The following WDR33 variants were observed in gnomAD, a reference collection of about 807,000 sequenced individuals.
WDR33 encodes WD repeat domain 33.
In WDR33, 47 loss-of-function variants were observed where a neutral mutation model predicts 164.9. The ratio of observed to expected loss-of-function variants is 0.29; its 90% CI spans 0.23 to 0.36. The LOEUF (loss-of-function observed/expected upper bound fraction) is 0.36, where lower values mean the gene tolerates loss of function less well. Among genes scored for constraint, WDR33 ranks in the 10% least tolerant of loss-of-function variants. The pLI is 1.00. For missense variants in WDR33, 1,137 were observed against 1,754.1 expected, an observed-to-expected ratio of 0.65 and a Z score of 6.28; for synonymous variants, 505 against 589.0, an observed-to-expected ratio of 0.86 and a Z score of 2.06.
At chr2:127,757,768 G>T (rs1366529320) in intron 7 of WDR33, among the ~76,000 whole-genome samples, 1 of 152,058 alleles carries the variant, frequency 6.6e-6, no homozygotes, top group African/African-American at 2.4e-5. Context: ...TAATAATAAA[G>T]TTATTTCCAA....
Position 127,719,737 on chromosome 2 carries a change from C to A in WDR33, c.2288G>T (p.Gly763Val), listed in dbSNP as rs200149540. ...PHPHGIQGGP[G>V]SQGIQGPVSQ... ...CACAGGACCTTGGATCCCTTGAGACCCTGGTCCGCCTTGGATCCCATGAGG... is the reference window on the plus strand; with the variant it reads ...CACAGGACCTTGGATCCCTTGAGACACTGGTCCGCCTTGGATCCCATGAGG... The change falls in exon 16 of 22, where the codon GGG (glycine) becomes GTG (valine). Residue 763 changes from glycine to valine, a missense_variant. Gly to Val is a moderately radical substitution (Grantham distance 109). Transcript: ENST00000322313. The surrounding 1 kb of genome is among the most constrained non-coding windows in gnomAD (Gnocchi z 6.5). 7.4e-6 allele frequency: 12 copies of A among 1,613,694 alleles called. No individual in the cohort carries two copies. The highest frequency in any genetic ancestry group is 3.3e-4 in the Middle Eastern group (2 of 6,074).
chr2:127,775,569 G>A (rs946872339), intron 1 of WDR33, among the ~76,000 whole-genome samples: 1 of 152,148 alleles, frequency 6.6e-6, no homozygotes, highest in South Asian at 2.1e-4. Flanking sequence ...AGAGTACCTG[G>A]ATACAAAGCA....
chr2:127,732,278 TTACTC>T (rs1686730770), intron 7 of WDR33, among the ~76,000 whole-genome samples: 2 of 151,972 alleles, frequency 1.3e-5, no homozygotes, highest in African/African-American at 4.8e-5. Context: ...AGAGTGGCAT[TTACTC>T]TTCTATACTC....
intron 7 of WDR33, among the ~76,000 whole-genome samples, chr2:127,753,560 T>A (rs1017192398): frequency 6.6e-6 from 1 of 152,214 alleles, no homozygotes; most frequent in Non-Finnish European, 1.5e-5. Flanking sequence ...CAGTGTCACA[T>A]GGCTGCTAAG....
chr2:127,755,511 A>T (rs533653424), intron 7 of WDR33, among the ~76,000 whole-genome samples: 195 of 152,306 alleles, frequency 1.3e-3, no homozygotes, highest in African/African-American at 3.5e-3. Flanking sequence ...CAATCCTATT[A>T]AAAAAATAGG....
rs998623546 is a variant in WDR33 at position 127,770,179 on chromosome 2, C to G, written c.204+599G>C. On this transcript the variant is annotated intron_variant, in intron 2 of 21. Coordinates refer to ENST00000322313, the MANE Select transcript of WDR33 (RefSeq NM_018383.5). This position sits in a 1 kb window ranked among gnomAD's most constrained non-coding sequence, Gnocchi z 4.9. Reference sequence around the variant, plus strand: ...AGACTGGCCTAGCGATTAAAGTACTCCCTTCTAATTTGTGAACTTTTAGAG... The same window carrying G: ...AGACTGGCCTAGCGATTAAAGTACTGCCTTCTAATTTGTGAACTTTTAGAG... Among the ~76,000 whole-genome samples, 2 of 152,156 alleles carry G rather than the reference C, an allele frequency of 1.3e-5. No homozygotes were observed. Among genetic ancestry groups the G allele is most frequent in the African/African-American group, 4.8e-5 (2 of 41,424 alleles).
At chr2:127,779,996 C>T (rs1293941553) in intron 1 of WDR33, among the ~76,000 whole-genome samples, 10 of 134,054 alleles carry the variant, frequency 7.5e-5, no homozygotes, top group African/African-American at 2.4e-4. Flanking sequence ...TTTTTTGAGA[C>T]GGAGTCTCGC....
chr2:127,748,022 A>T (rs964743531), intron 7 of WDR33, among the ~76,000 whole-genome samples: 1 of 152,156 alleles, frequency 6.6e-6, no homozygotes, highest in Non-Finnish European at 1.5e-5. Flanking sequence ...CAACCCACAA[A>T]ATACAAAATT....
chr2:127,764,445 A>G lies in WDR33; in HGVS notation c.626+383T>C, dbSNP rs1268507449. On this transcript the variant is annotated intron_variant, in intron 6 of 21. Coordinates refer to ENST00000322313, the MANE Select transcript of WDR33 (RefSeq NM_018383.5). The surrounding 1 kb of genome is among the most constrained non-coding windows in gnomAD (Gnocchi z 6.2). ...TGTGAATTCTGAAGTTGTTTTCTGT[A>G]GGCTTTAGATTTTATTCAGTTGCAT... The G allele has an allele frequency of 6.9e-7, 1 of 1,450,940 alleles. No individual in the cohort carries two copies. The highest frequency in any genetic ancestry group is 2.5e-5 in the East Asian group (1 of 39,840). 89.9% of individuals were successfully genotyped at this position (1,450,940 alleles called of 1,614,324 possible). A position where few individuals can be genotyped will look rare whatever the true frequency, so the allele number is the denominator to read the frequency against.
At chr2:127,765,366 AAAT>A in intron 4 of WDR33, 97 bp from the exon 5 acceptor site, 4 of 826,474 alleles carry the variant, frequency 4.8e-6, no homozygotes, top group Non-Finnish European at 7.7e-6. Flanking sequence ...AACTGACATT[AAAT>A]AATGATACTG....
At chr2:127,769,114 T>C (rs1310556218) in intron 2 of WDR33, 113 bp from the exon 3 acceptor site, 1 of 534,224 alleles carries the variant, frequency 1.9e-6, no homozygotes, top group African/African-American at 2.0e-5. Flanking sequence ...TAAAAATGGA[T>C]AAACAGAATT....
At chr2:127,798,939 A>G (rs939484155) in intron 1 of WDR33, 1 of 151,290 alleles carries the variant, frequency 6.6e-6, no homozygotes, top group Non-Finnish European at 1.5e-5. Flanking sequence ...GGGGTTGTAT[A>G]TCAACTTCAG....
At chr2:127,748,587 T>C (rs1037314717) in intron 7 of WDR33, among the ~76,000 whole-genome samples, 1 of 152,096 alleles carries the variant, frequency 6.6e-6, no homozygotes, top group Non-Finnish European at 1.5e-5. Flanking sequence ...TACAGCCAAA[T>C]TGATCAAGAG....
chr2:127,735,801 A>C lies in WDR33; in HGVS notation c.725-9024T>G. 3.0e-6 allele frequency: 3 copies of C among 985,430 alleles called. No individual in the cohort carries two copies. Among genetic ancestry groups the C allele is most frequent in the Non-Finnish European group, 3.6e-6 (3 of 829,896 alleles). The allele number at this position is 985,430 out of a possible 1,614,324, so 61.0% of individuals were successfully genotyped here. On this transcript the variant is annotated intron_variant, in intron 7 of 21. Coordinates refer to ENST00000322313, the MANE Select transcript of WDR33 (RefSeq NM_018383.5). This position sits in a 1 kb window ranked among gnomAD's most constrained non-coding sequence, Gnocchi z 4.3. ...CTGGTCAAGGAATATGCAATTTATT[A>C]GTATTTTACCTTCCTTTAATGCAAA...
rs1332490358 is a variant in WDR33 at position 127,714,227 on chromosome 2, C to G, written c.2870-206G>C. Among the ~76,000 whole-genome samples, 3 of 152,144 alleles carry G rather than the reference C, an allele frequency of 2.0e-5. No individual in the cohort carries two copies. Among genetic ancestry groups the G allele is most frequent in the Non-Finnish European group, 4.4e-5 (3 of 68,044 alleles). On this transcript the variant is annotated intron_variant, in intron 17 of 21. Transcript: ENST00000322313. The surrounding 1 kb of genome is among the most constrained non-coding windows in gnomAD (Gnocchi z 4.3). Reference sequence around the variant, plus strand: ...GGGGTGCAGATTTCAACTTCATCACCCACTAGCTAGGGCAAATTACTCATC... The same window carrying G: ...GGGGTGCAGATTTCAACTTCATCACGCACTAGCTAGGGCAAATTACTCATC...
chr2:127,795,549 G>A (rs1303429662), intron 1 of WDR33, among the ~76,000 whole-genome samples: 2 of 151,236 alleles, frequency 1.3e-5, no homozygotes, highest in African/African-American at 4.9e-5. Flanking sequence ...ATGTACTCCA[G>A]TTTAAAGAAA....
intron 8 of WDR33, 135 bp from the exon 9 acceptor site, chr2:127,725,350 G>T (rs974661242): frequency 1.2e-6 from 1 of 822,160 alleles, no homozygotes. Context: ...TAACATTAAA[G>T]GATCACAGTT....
At chr2:127,780,852 T>C (rs1688346897) in intron 1 of WDR33, among the ~76,000 whole-genome samples, 1 of 152,096 alleles carries the variant, frequency 6.6e-6, no homozygotes, top group African/African-American at 2.4e-5. Flanking sequence ...AATTAATTTA[T>C]TAATAGCTTT....
chr2:127,727,417 T>C (rs1185507778), intron 7 of WDR33, among the ~76,000 whole-genome samples: 1 of 152,180 alleles, frequency 6.6e-6, no homozygotes, highest in East Asian at 1.9e-4. Context: ...ATAAGCATCA[T>C]CTTTTTAAAT....
Sources: gnomAD v4.1 joint callset for allele counts (sites outside exome capture counted in the v4.1 genomes callset) on GRCh38, gnomAD v4.1.1 for gene constraint, Gnocchi (gnomAD v3.1) non-coding constraint, MANE v1.5 for transcripts, NCBI Gene and HGNC (gene_info 2026-07-23, HGNC 2026-07-21) for gene names.